The following ATP8B1 variants were observed in gnomAD, a reference collection of about 807,000 sequenced individuals.
The protein encoded by ATP8B1 is phospholipid-transporting ATPase IC.
In ATP8B1, 80 loss-of-function variants were observed where a neutral mutation model predicts 149.9. The ratio of observed to expected loss-of-function variants is 0.53; its 90% CI spans 0.45 to 0.64. The LOEUF is 0.64. Among genes scored for constraint, ATP8B1 ranks in the 30% least tolerant of loss-of-function variants. The probability of loss-of-function intolerance (pLI) is 0.00; values close to 1 mark genes in which losing one functional copy is unlikely to be tolerated. For missense variants in ATP8B1, 1,247 were observed against 1,552.6 expected, an observed-to-expected ratio of 0.80 and a Z score of 3.31; for synonymous variants, 536 against 562.8, an observed-to-expected ratio of 0.95 and a Z score of 0.67.
intron 24 of ATP8B1, among the ~76,000 whole-genome samples, chr18:57,653,282 C>CTTTTTTTTTTTT (rs199543849): frequency 6.9e-4 from 79 of 114,416 alleles, no homozygotes; most frequent in East Asian, 1.2e-3. Context: ...CTTTTCTTTT[C>CTTTTTTTTTTTT]TTTTTTTTTT....
chr18:57,694,236 A>G (rs1207217840), intron 11 of ATP8B1, among the ~76,000 whole-genome samples: 1 of 152,138 alleles, frequency 6.6e-6, no homozygotes, highest in East Asian at 1.9e-4. Flanking sequence ...ATGGGAAAGT[A>G]ACAGCAATGA....
intron 2 of ATP8B1, among the ~76,000 whole-genome samples, chr18:57,709,350 T>C (rs1216995810): frequency 6.6e-6 from 1 of 152,222 alleles, no homozygotes; most frequent in Non-Finnish European, 1.5e-5. Flanking sequence ...AGAAGTCCTG[T>C]AGTAAATAAA....
chr18:57,758,108 C>G (rs2123308274), intron 1 of ATP8B1, among the ~76,000 whole-genome samples: 1 of 152,212 alleles, frequency 6.6e-6, no homozygotes, highest in South Asian at 2.1e-4. Flanking sequence ...ATCCTCCCAC[C>G]TCAGTCTCCC....
chr18:57,679,384 A>C (rs1175894494), intron 15 of ATP8B1, among the ~76,000 whole-genome samples: 1 of 152,182 alleles, frequency 6.6e-6, no homozygotes, highest in Non-Finnish European at 1.5e-5. Flanking sequence ...CTAAAATAAA[A>C]ATTGAAGGTG....
intron 1 of ATP8B1, among the ~76,000 whole-genome samples, chr18:57,751,565 G>C (rs1158719810): frequency 6.6e-6 from 1 of 152,064 alleles, no homozygotes; most frequent in Non-Finnish European, 1.5e-5. Flanking sequence ...AGCTTCCATA[G>C]GTCAAATGGG....
chr18:57,710,086 C>A (rs1378785820), intron 2 of ATP8B1, among the ~76,000 whole-genome samples: 1 of 151,850 alleles, frequency 6.6e-6, no homozygotes, highest in African/African-American at 2.4e-5. Flanking sequence ...GATCCTCCTG[C>A]CTCAGCCTTC....
chr18:57,652,567 C>T lies in ATP8B1; in HGVS notation c.3178G>A (p.Gly1060Arg), dbSNP rs1484601375. The change falls in exon 25 of 28, where the codon GGG (glycine) becomes AGG (arginine). Residue 1060 changes from glycine to arginine, a missense_variant. Coordinates refer to ENST00000648908, the MANE Select transcript of ATP8B1 (RefSeq NM_001374385.1). ...IPLGAYLQTVGQDGEAPSDYQ... is the reference protein window; with the variant it reads ...IPLGAYLQTVRQDGEAPSDYQ... ...TCGGAAGGTGCCTCTCCATCCTGCC[C>T]TACGGTTTGCAGATAAGCTCCAAGA... 1.2e-6 allele frequency: 2 copies of T among 1,614,186 alleles called. No homozygotes were observed. Among genetic ancestry groups the T allele is most frequent in the Admixed American group, 1.7e-5 (1 of 60,022 alleles).
intron 6 of ATP8B1, among the ~76,000 whole-genome samples, chr18:57,700,602 TTACAACAGGGG>T (rs1424816805): frequency 6.6e-6 from 1 of 152,178 alleles, no homozygotes; most frequent in Non-Finnish European, 1.5e-5. Context: ...ATTAGATTTA[TTACAACAGGGG>T]TACATACTCA....
At chr18:57,773,892 C>T (rs749602243) in intron 1 of ATP8B1, among the ~76,000 whole-genome samples, 2 of 152,194 alleles carry the variant, frequency 1.3e-5, no homozygotes, top group Non-Finnish European at 1.5e-5. Context: ...TCTCCCTCAC[C>T]CGGATTAGAG....
intron 1 of ATP8B1, among the ~76,000 whole-genome samples, chr18:57,757,152 A>AT (rs2080093035): frequency 1.3e-5 from 2 of 152,076 alleles, no homozygotes; most frequent in East Asian, 1.9e-4. Flanking sequence ...GTAAATTCCT[A>AT]TTTTTTCTCC....
intron 8 of ATP8B1, among the ~76,000 whole-genome samples, chr18:57,697,349 A>G (rs1912867669): frequency 6.6e-6 from 1 of 152,190 alleles, no homozygotes; most frequent in Non-Finnish European, 1.5e-5. Flanking sequence ...GATATTATTC[A>G]TATCTGTCTG....
intron 2 of ATP8B1, among the ~76,000 whole-genome samples, chr18:57,707,045 G>A (rs1054534203): frequency 7.9e-5 from 12 of 152,184 alleles, no homozygotes; most frequent in African/African-American, 2.4e-4. Flanking sequence ...GGTGGCTCAC[G>A]CCTGTAATCC....
intron 2 of ATP8B1, among the ~76,000 whole-genome samples, chr18:57,717,726 T>G (rs2079597732): frequency 6.6e-6 from 1 of 151,258 alleles, no homozygotes; most frequent in African/African-American, 2.4e-5. Flanking sequence ...TTTTTTGTTT[T>G]GGTTTGGTTT....
intron 2 of ATP8B1, 175 bp downstream of exon 2, chr18:57,731,452 G>C: frequency 1.4e-6 from 1 of 723,214 alleles, no homozygotes; most frequent in Non-Finnish European, 2.4e-6. Flanking sequence ...TCTTACTAAG[G>C]ACAATGGGTA....
In ATP8B1 at chr18:57,691,900, C is replaced by T. The variant is rs557696025; in HGVS notation, c.1127G>A (p.Gly376Glu). 5.8e-5 allele frequency: 93 copies of T among 1,613,984 alleles called. No individual in the cohort carries two copies. The highest frequency in any genetic ancestry group is 7.5e-5 in the Non-Finnish European group (89 of 1,180,022). ...ACGGTAGGAGGGTGTATCGTCTTCT[C>T]CATCATAGAGGTACCAAGAGGAATT... Reference protein sequence around the residue: ...VGNSSWYLYDGEDDTPSYRGF... With the variant: ...VGNSSWYLYDEEDDTPSYRGF... The change falls in exon 12 of 28, where the codon GGA (glycine) becomes GAA (glutamate). Residue 376 changes from glycine to glutamate, a missense_variant. This residue lies in a region of ATP8B1 where 853 missense variants were observed against 1,035.7 expected (regional missense o/e 0.82). Coordinates refer to ENST00000648908, the MANE Select transcript of ATP8B1 (RefSeq NM_001374385.1).
intron 2 of ATP8B1, among the ~76,000 whole-genome samples, chr18:57,722,054 A>G (rs78605022): frequency 0.96 from 121,954 of 126,872 alleles, 58,642 homozygotes; most frequent in Non-Finnish European, 0.97. Context: ...ACCAACGAGA[A>G]CAAAGACACA....
At chr18:57,769,772 G>A (rs1272768890) in intron 1 of ATP8B1, among the ~76,000 whole-genome samples, 2 of 152,212 alleles carry the variant, frequency 1.3e-5, no homozygotes, top group African/African-American at 4.8e-5. Flanking sequence ...AGATCTGATC[G>A]AAGAACTTTT....
rs1307228184 is a variant in ATP8B1 at position 57,730,162 on chromosome 18, A to G, written c.181+1465T>C. Among the ~76,000 whole-genome samples the G allele has an allele frequency of 2.0e-5, 3 of 151,770 alleles. 1 individual carries two copies. The highest frequency in any genetic ancestry group is 7.3e-5 in the African/African-American group (3 of 41,338). On this transcript the variant is annotated intron_variant, in intron 2 of 27. Transcript: ENST00000648908. ...GCAGAAATGGGATTTCATGCATATC[A>G]CATCTTCTACAGGTTAAAATTATTA...
intron 10 of ATP8B1, 43 bp from the exon 11 acceptor site, chr18:57,694,713 C>G: frequency 7.9e-7 from 1 of 1,259,880 alleles, no homozygotes; most frequent in Non-Finnish European, 1.2e-6. Flanking sequence ...TGGGAAAAAT[C>G]AATTCACTAG....
Sources: gnomAD v4.1 joint callset for allele counts (sites outside exome capture counted in the v4.1 genomes callset) on GRCh38, gnomAD v4.1.1 for gene constraint, gnomAD v4.1.1 regional missense constraint, MANE v1.5 for transcripts, NCBI Gene and HGNC (gene_info 2026-07-23, HGNC 2026-07-21) for gene names.